Variants in MYT1L observed in about 807,000 individuals in gnomAD.
The protein encoded by MYT1L is myelin transcription factor 1 like, also known as myelin transcription factor 1-like protein.
MYT1L carries 12 observed loss-of-function variants against 126.7 expected under a neutral mutation model. The observed-to-expected ratio is 0.09, with a 90% confidence interval of 0.06 to 0.15. MYT1L has a LOEUF of 0.15. Among genes scored for constraint, MYT1L ranks in the 10% least tolerant of loss-of-function variants. The probability of loss-of-function intolerance (pLI) is 1.00; values close to 1 mark genes in which losing one functional copy is unlikely to be tolerated. For missense variants in MYT1L, 979 were observed against 1,585.2 expected, an observed-to-expected ratio of 0.62 and a Z score of 6.49; for synonymous variants, 541 against 604.2, an observed-to-expected ratio of 0.90 and a Z score of 1.53.
chr2:2,099,163 C>A (rs1167778631), intron 3 of MYT1L, among the ~76,000 whole-genome samples: 1 of 151,962 alleles, frequency 6.6e-6, no homozygotes, highest in Non-Finnish European at 1.5e-5. Flanking sequence ...AACATGATTT[C>A]TTTGGCTGAG....
rs184377115 is a variant in MYT1L at position 2,123,294 on chromosome 2, G to A, written c.-304+49578C>T. Reference sequence around the variant, plus strand: ...TTTCCAGAAAAGAAATCCCTAAAGCGAATCCCTAGAACCTGGGGATAAAGT... The same window carrying A: ...TTTCCAGAAAAGAAATCCCTAAAGCAAATCCCTAGAACCTGGGGATAAAGT... On this transcript the variant is annotated intron_variant, in intron 3 of 24. Coordinates refer to ENST00000647738, the MANE Select transcript of MYT1L (RefSeq NM_001303052.2). Among the ~76,000 whole-genome samples the A allele has an allele frequency of 1.2e-3, 182 of 152,280 alleles. 1 individual carries two copies. The highest frequency in any genetic ancestry group is 3.8e-3 in the African/African-American group (156 of 41,566).
intron 22 of MYT1L, 42 bp downstream of exon 22, chr2:1,809,034 C>T (rs199540425): frequency 6.2e-5 from 98 of 1,592,070 alleles, no homozygotes; most frequent in Non-Finnish European, 7.8e-5. Flanking sequence ...CCCGCTGGGC[C>T]TTCCTGACCA....
At chr2:1,933,317 G>A (rs1200668495) in intron 9 of MYT1L, among the ~76,000 whole-genome samples, 2 of 152,058 alleles carry the variant, frequency 1.3e-5, no homozygotes, top group Admixed American at 1.3e-4. Flanking sequence ...TTTCTACTCG[G>A]AGGAAGTTCA....
At chr2:2,121,548 G>A (rs1002242025) in intron 3 of MYT1L, among the ~76,000 whole-genome samples, 1 of 151,008 alleles carries the variant, frequency 6.6e-6, no homozygotes, top group Non-Finnish European at 1.5e-5. Flanking sequence ...GTGCAGTGGC[G>A]TGATCTTGGC....
chr2:2,177,815 C>A (rs879318682), intron 2 of MYT1L, among the ~76,000 whole-genome samples: 26 of 152,188 alleles, frequency 1.7e-4, no homozygotes, highest in Non-Finnish European at 3.2e-4. Flanking sequence ...TCCCCAACCC[C>A]TGGGGCTTCC....
intron 21 of MYT1L, among the ~76,000 whole-genome samples, chr2:1,812,875 CAAAAA>C (rs33917296): frequency 1.7e-5 from 1 of 59,760 alleles, no homozygotes; most frequent in African/African-American, 6.1e-5. Flanking sequence ...GACTCCGTCT[CAAAAA>C]AAAAAAAAAA....
At position 1,821,500 on chromosome 2, in the gene MYT1L, T is replaced by A. The variant is rs2038518815; in HGVS notation, c.3081-12333A>T. On this transcript the variant is annotated intron_variant, in intron 21 of 24. Coordinates refer to ENST00000647738, the MANE Select transcript of MYT1L (RefSeq NM_001303052.2). ...TTAATGTTCTTTCTGTTCTTTTCTG[T>A]CTGATGACAAATTATAGGTTTTTAA... Among the ~76,000 whole-genome samples the A allele has an allele frequency of 2.6e-5, 4 of 152,242 alleles. No individual in the cohort carries two copies. The South Asian group carries it at 8.3e-4, about 31-fold the overall frequency.
chr2:1,870,109 A>C (rs1333169057), intron 18 of MYT1L, among the ~76,000 whole-genome samples: 1 of 152,098 alleles, frequency 6.6e-6, no homozygotes, highest in Non-Finnish European at 1.5e-5. Flanking sequence ...TCTGATGGTG[A>C]CTCATGAAGA....
Position 2,318,860 on chromosome 2 carries a change from G to A in MYT1L, c.-521+12107C>T, listed in dbSNP as rs538156896. On this transcript the variant is annotated intron_variant, in intron 1 of 24. Coordinates refer to ENST00000647738, the MANE Select transcript of MYT1L (RefSeq NM_001303052.2). ...AAGCAAAGACATGTGGCTTTTTGAT[G>A]CCTGAGCTACTTAAATTTCCATACT... Among the ~76,000 whole-genome samples, 32 of 152,278 alleles carry A rather than the reference G, an allele frequency of 2.1e-4. 1 individual carries two copies. Among genetic ancestry groups the A allele is most frequent in the African/African-American group, 7.0e-4 (29 of 41,560 alleles).
intron 18 of MYT1L, among the ~76,000 whole-genome samples, chr2:1,877,485 C>A (rs766466961): frequency 6.6e-6 from 1 of 152,154 alleles, no homozygotes; most frequent in South Asian, 2.1e-4. Context: ...CCTTGCTCGA[C>A]TGATATTTTC....
intron 8 of MYT1L, among the ~76,000 whole-genome samples, chr2:1,954,271 A>G (rs765269253): frequency 1.8e-4 from 27 of 152,300 alleles, no homozygotes; most frequent in Middle Eastern, 3.4e-3. Context: ...GAGGCTGCGT[A>G]GCCACTGCTG....
rs1008791682 is a variant in MYT1L, at chr2:2,206,856, C to T, written c.-420-33868G>A. ...CACGTTTTTCATTTATGTCCTTCTT[C>T]TTCTGTTTAAAATAGCCGCCAAGCA... On this transcript the variant is annotated intron_variant, in intron 2 of 24. Coordinates refer to ENST00000647738, the MANE Select transcript of MYT1L (RefSeq NM_001303052.2). Among the ~76,000 whole-genome samples the T allele has an allele frequency of 7.9e-5, 12 of 152,280 alleles. No homozygotes were observed. The East Asian group carries it at 2.3e-3, about 29-fold the overall frequency.
intron 4 of MYT1L, among the ~76,000 whole-genome samples, chr2:2,037,960 T>C (rs1398256938): frequency 6.6e-6 from 1 of 152,200 alleles, no homozygotes; most frequent in African/African-American, 2.4e-5. Flanking sequence ...CTGCACAGCC[T>C]GGATGAACAC....
intron 3 of MYT1L, among the ~76,000 whole-genome samples, chr2:2,097,378 G>A (rs2077558569): frequency 6.6e-6 from 1 of 152,050 alleles, no homozygotes; most frequent in South Asian, 2.1e-4. Context: ...TCTTCCTGTG[G>A]GCTCTTTGGG....
chr2:1,941,738 T>C (rs2056677879), intron 9 of MYT1L, among the ~76,000 whole-genome samples: 1 of 152,214 alleles, frequency 6.6e-6, no homozygotes. Context: ...CATCTATGTG[T>C]ATATATACAT....
intron 9 of MYT1L, among the ~76,000 whole-genome samples, chr2:1,932,885 C>A (rs1178798526): frequency 3.9e-5 from 6 of 152,150 alleles, no homozygotes; most frequent in Non-Finnish European, 8.8e-5. Context: ...ACCAACTTGG[C>A]ATCAAGACAC....
intron 8 of MYT1L, among the ~76,000 whole-genome samples, chr2:1,954,419 T>C (rs2058156094): frequency 1.3e-5 from 2 of 152,214 alleles, no homozygotes; most frequent in South Asian, 4.1e-4. Flanking sequence ...TCCATCCCAA[T>C]GACATTTTCA....
chr2:2,237,856 C>T (rs889686522), intron 2 of MYT1L, among the ~76,000 whole-genome samples: 35 of 152,190 alleles, frequency 2.3e-4, no homozygotes, highest in Non-Finnish European at 8.8e-5. Context: ...CCTGTGAAAG[C>T]CACAGACAGA....
intron 2 of MYT1L, among the ~76,000 whole-genome samples, chr2:2,183,303 C>A (rs1427362365): frequency 6.6e-6 from 1 of 152,038 alleles, no homozygotes; most frequent in African/African-American, 2.4e-5. Flanking sequence ...CACGAGAGAG[C>A]TGCTGGGGTG....
Sources: allele counts gnomAD v4.1 joint callset (sites outside exome capture counted in the v4.1 genomes callset), GRCh38; gene constraint gnomAD v4.1.1; transcripts MANE v1.5; gene names NCBI Gene and HGNC (gene_info 2026-07-23, HGNC 2026-07-21).